SCN2A: variants seen among roughly 807,000 people sequenced by gnomAD.
The protein encoded by SCN2A is sodium voltage-gated channel alpha subunit 2, also known as sodium channel protein type 2 subunit alpha.
Under a neutral mutation model 188.7 loss-of-function variants are expected in SCN2A, and 20 were observed. The ratio of observed to expected loss-of-function variants is 0.11; its 90% CI spans 0.07 to 0.15. The LOEUF (loss-of-function observed/expected upper bound fraction) is 0.15. SCN2A is among the 10% of genes least tolerant of loss of function. The probability of loss-of-function intolerance (pLI) is 1.00; values close to 1 mark genes in which losing one functional copy is unlikely to be tolerated. For synonymous variants in SCN2A, 804 were observed against 833.1 expected (o/e 0.97, Z 0.60); for missense variants, 1,278 against 2,445.0 (o/e 0.52, Z 10.07).
chr2:165,336,798 C>T (rs1289155321), intron 14 of SCN2A, among the ~76,000 whole-genome samples: 1 of 151,856 alleles, frequency 6.6e-6, no homozygotes, highest in Non-Finnish European at 1.5e-5. Context: ...ATACTTTACC[C>T]CCATGTTGCA....
intron 17 of SCN2A, among the ~76,000 whole-genome samples, chr2:165,362,635 G>A (rs903195017): frequency 2.6e-5 from 4 of 151,958 alleles, no homozygotes; most frequent in Non-Finnish European, 5.9e-5. Context: ...CTATATTGGT[G>A]TATTATCCAT....
chr2:165,359,766 C>G (rs1319135319), intron 17 of SCN2A, among the ~76,000 whole-genome samples: 1 of 151,764 alleles, frequency 6.6e-6, no homozygotes, highest in Non-Finnish European at 1.5e-5. Flanking sequence ...AAAAAAATGC[C>G]CAAAATATCT....
At chr2:165,322,907 G>A (rs1374394306) in intron 11 of SCN2A, among the ~76,000 whole-genome samples, 1 of 152,186 alleles carries the variant, frequency 6.6e-6, no homozygotes, top group East Asian at 1.9e-4. Flanking sequence ...GGTAAAGTAG[G>A]AGAAAAGAGA....
chr2:165,363,404 T>C (rs1254358060), intron 17 of SCN2A, among the ~76,000 whole-genome samples: 1 of 152,206 alleles, frequency 6.6e-6, no homozygotes, highest in Non-Finnish European at 1.5e-5. Flanking sequence ...GTGGATTGTC[T>C]GTACTTCCAT....
At chr2:165,383,570 G>A (rs983293324) in intron 25 of SCN2A, among the ~76,000 whole-genome samples, 1 of 152,110 alleles carries the variant, frequency 6.6e-6, no homozygotes, top group Non-Finnish European at 1.5e-5. Flanking sequence ...GGGCTTTGTG[G>A]TGATCACTCA....
At chr2:165,346,068 C>T (rs895883300) in intron 16 of SCN2A, among the ~76,000 whole-genome samples, 8 of 152,032 alleles carry the variant, frequency 5.3e-5, no homozygotes, top group South Asian at 2.1e-4. Flanking sequence ...GGGTTTCTGC[C>T]GAGAGATCTG....
chr2:165,364,001 A>G (rs1369073394), intron 17 of SCN2A, among the ~76,000 whole-genome samples: 1 of 151,654 alleles, frequency 6.6e-6, no homozygotes, highest in Non-Finnish European at 1.5e-5. Context: ...TAAAATAAAG[A>G]AACCATCTTT....
intron 14 of SCN2A, among the ~76,000 whole-genome samples, chr2:165,334,457 T>G (rs55881598): frequency 6.6e-6 from 1 of 151,612 alleles, no homozygotes; most frequent in African/African-American, 2.4e-5. Context: ...GTGAAATTTA[T>G]CCCAGTGATG....
At chr2:165,242,030 T>C (rs928517663) in intron 1 of SCN2A, among the ~76,000 whole-genome samples, 3 of 152,164 alleles carry the variant, frequency 2.0e-5, no homozygotes, top group African/African-American at 7.2e-5. Flanking sequence ...TCGGTGTTGT[T>C]GTTGCAGTTG....
At chr2:165,380,759 T>C in intron 24 of SCN2A, 30 bp downstream of exon 24, 1 of 1,503,612 alleles carries the variant, frequency 6.7e-7, no homozygotes, top group African/African-American at 1.4e-5. Context: ...ATCCTTGCTC[T>C]GAAATATGAA....
chr2:165,385,207 C>A (rs543652658), intron 25 of SCN2A, among the ~76,000 whole-genome samples: 1 of 152,204 alleles, frequency 6.6e-6, no homozygotes, highest in South Asian at 2.1e-4. Flanking sequence ...ATCCAGGCCA[C>A]TAAAAGTGTC....
intron 25 of SCN2A, among the ~76,000 whole-genome samples, chr2:165,382,440 A>G (rs556234991): frequency 1.3e-5 from 2 of 152,192 alleles, no homozygotes; most frequent in Admixed American, 6.6e-5. Context: ...GATAGTCCAT[A>G]ATCTGTGTCC....
At chr2:165,287,840 T>C (rs1191162898) in intron 1 of SCN2A, among the ~76,000 whole-genome samples, 2 of 152,214 alleles carry the variant, frequency 1.3e-5, no homozygotes, top group Non-Finnish European at 2.9e-5. Context: ...AGGCTCTGGT[T>C]ACCTCTGCAA....
intron 17 of SCN2A, among the ~76,000 whole-genome samples, chr2:165,355,356 G>C (rs995675852): frequency 2.0e-5 from 3 of 152,042 alleles, no homozygotes; most frequent in African/African-American, 7.3e-5. Flanking sequence ...AGTAAGTCCT[G>C]GTAACTTAAT....
At chr2:165,251,350 A>G (rs973515625) in intron 1 of SCN2A, among the ~76,000 whole-genome samples, 8 of 152,090 alleles carry the variant, frequency 5.3e-5, no homozygotes, top group African/African-American at 1.7e-4. Context: ...AAAACAAAAG[A>G]AACGATAATA....
chr2:165,365,409 T>A, intron 18 of SCN2A, 146 bp downstream of exon 18: 1 of 839,166 alleles, frequency 1.2e-6, no homozygotes, highest in Non-Finnish European at 1.8e-6. Flanking sequence ...AGTAATCATC[T>A]ATACCTATCC....
At chr2:165,340,064 TATC>T (rs1389723133) in intron 14 of SCN2A, among the ~76,000 whole-genome samples, 1 of 152,168 alleles carries the variant, frequency 6.6e-6, no homozygotes, top group Non-Finnish European at 1.5e-5. Context: ...TTCAACAAAA[TATC>T]AGGAACACAT....
At chr2:165,383,675 TA>T (rs1261376379) in intron 25 of SCN2A, among the ~76,000 whole-genome samples, 1 of 152,112 alleles carries the variant, frequency 6.6e-6, no homozygotes, top group Non-Finnish European at 1.5e-5. Flanking sequence ...ATGTGCAGAT[TA>T]ATAAAAGTGG....
At chr2:165,304,382 A>G (rs1697003053) in intron 3 of SCN2A, among the ~76,000 whole-genome samples, 1 of 152,250 alleles carries the variant, frequency 6.6e-6, no homozygotes, top group South Asian at 2.1e-4. Flanking sequence ...GGCGAGAGCC[A>G]TGGCACCTGG....
Sources: gnomAD v4.1 joint callset for allele counts (sites outside exome capture counted in the v4.1 genomes callset) on GRCh38, gnomAD v4.1.1 for gene constraint, MANE v1.5 for transcripts, NCBI Gene and HGNC (gene_info 2026-07-23, HGNC 2026-07-21) for gene names.